ATXN1: variants seen among roughly 807,000 people sequenced by gnomAD.
The protein encoded by ATXN1 is ataxin 1.
In ATXN1, 8 loss-of-function variants were observed where a neutral mutation model predicts 56.4. The observed-to-expected ratio is 0.14, with a 90% CI of 0.08 to 0.26. The LOEUF (loss-of-function observed/expected upper bound fraction) is 0.26. ATXN1 is among the 10% of genes least tolerant of loss of function. The probability of loss-of-function intolerance (pLI) is 1.00; values close to 1 mark genes in which losing one functional copy is unlikely to be tolerated. For missense variants in ATXN1, 987 were observed against 1,106.5 expected (o/e 0.89, Z 1.53); for synonymous variants, 514 against 494.6 (o/e 1.04, Z -0.52).
intron 3 of ATXN1, among the ~76,000 whole-genome samples, chr6:16,606,979 CG>C (rs1763021626): frequency 6.8e-6 from 1 of 146,226 alleles, no homozygotes; most frequent in Admixed American, 6.8e-5. Flanking sequence ...CTCTGCCTCC[CG>C]GGTTCAAGCG....
chr6:16,314,771 T>C (rs1760472660), intron 7 of ATXN1, among the ~76,000 whole-genome samples: 1 of 151,924 alleles, frequency 6.6e-6, no homozygotes, highest in South Asian at 2.1e-4. Context: ...CCACCACACC[T>C]GGCTAATTTT....
chr6:16,642,758 C>T (rs991477989), intron 3 of ATXN1, among the ~76,000 whole-genome samples: 10 of 152,246 alleles, frequency 6.6e-5, no homozygotes, highest in Middle Eastern at 3.4e-3. Context: ...ACCAACAAAA[C>T]GATTATGGTT....
chr6:16,515,097 A>G (rs1167375771), intron 5 of ATXN1, among the ~76,000 whole-genome samples: 1 of 151,922 alleles, frequency 6.6e-6, no homozygotes, highest in African/African-American at 2.4e-5. Context: ...CATTCCTTTC[A>G]TTGTTTCTAA....
At chr6:16,693,067 G>A (rs1442692390) in intron 2 of ATXN1, among the ~76,000 whole-genome samples, 1 of 152,162 alleles carries the variant, frequency 6.6e-6, no homozygotes, top group Non-Finnish European at 1.5e-5. Context: ...ACTTCTCTGT[G>A]CCTCTCAGTG....
chr6:16,683,678 GCT>G (rs1003206889), intron 2 of ATXN1, among the ~76,000 whole-genome samples: 4 of 152,184 alleles, frequency 2.6e-5, no homozygotes, highest in Admixed American at 2.0e-4. Flanking sequence ...AACAGACAGT[GCT>G]CTGTTTGTAA....
intron 5 of ATXN1, among the ~76,000 whole-genome samples, chr6:16,498,970 A>C (rs573702608): frequency 6.6e-6 from 1 of 152,328 alleles, no homozygotes; most frequent in African/African-American, 2.4e-5. Flanking sequence ...CTTTCTTGAC[A>C]GTGCCCTTTG....
At chr6:16,526,398 G>A (rs922904797) in intron 4 of ATXN1, among the ~76,000 whole-genome samples, 1 of 152,134 alleles carries the variant, frequency 6.6e-6, no homozygotes, top group Non-Finnish European at 1.5e-5. Context: ...AAGTTGTTTT[G>A]GTTTGAGTGG....
At chr6:16,340,299 G>A (rs1406825564) in intron 6 of ATXN1, among the ~76,000 whole-genome samples, 2 of 152,234 alleles carry the variant, frequency 1.3e-5, no homozygotes, top group African/African-American at 2.4e-5. Flanking sequence ...ATCTCCAGGA[G>A]GGCCTAGGGA....
intron 4 of ATXN1, among the ~76,000 whole-genome samples, chr6:16,566,051 A>G (rs1048791932): frequency 6.6e-6 from 1 of 152,192 alleles, no homozygotes; most frequent in Non-Finnish European, 1.5e-5. Context: ...CTCAAAAAAG[A>G]GAGAAAAAGG....
chr6:16,538,282 C>T (rs1423282532), intron 4 of ATXN1, among the ~76,000 whole-genome samples: 1 of 152,114 alleles, frequency 6.6e-6, no homozygotes, highest in Non-Finnish European at 1.5e-5. Context: ...ATAAAATTTA[C>T]ATAACAAAAG....
At chr6:16,742,507 G>A (rs1054169390) in intron 2 of ATXN1, among the ~76,000 whole-genome samples, 3 of 152,268 alleles carry the variant, frequency 2.0e-5, no homozygotes, top group Middle Eastern at 6.8e-3. Flanking sequence ...GTGCTGCAGC[G>A]GTCAAAGGAC....
chr6:16,312,241 C>T (rs905322842), intron 7 of ATXN1, among the ~76,000 whole-genome samples: 5 of 152,094 alleles, frequency 3.3e-5, no homozygotes, highest in African/African-American at 9.7e-5. Flanking sequence ...TACAGATACA[C>T]GTGTTTCCCT....
intron 4 of ATXN1, among the ~76,000 whole-genome samples, chr6:16,541,842 C>G (rs923377408): frequency 2.0e-5 from 3 of 152,134 alleles, no homozygotes; most frequent in Non-Finnish European, 4.4e-5. Flanking sequence ...TTGGTCAAAG[C>G]TACGCAGTGG....
intron 6 of ATXN1, among the ~76,000 whole-genome samples, chr6:16,420,940 G>A (rs536959803): frequency 3.9e-5 from 6 of 152,186 alleles, no homozygotes; most frequent in East Asian, 3.9e-4. Context: ...ATGTCTCTGC[G>A]GTTTTGTAGT....
intron 3 of ATXN1, among the ~76,000 whole-genome samples, chr6:16,590,916 C>G (rs920334544): frequency 6.6e-6 from 1 of 151,676 alleles, no homozygotes; most frequent in African/African-American, 2.4e-5. Flanking sequence ...AATCTCCACT[C>G]ACCATAACCT....
chr6:16,458,594 C>T (rs925520157), intron 6 of ATXN1, among the ~76,000 whole-genome samples: 13 of 152,100 alleles, frequency 8.5e-5, no homozygotes, highest in African/African-American at 2.7e-4. Flanking sequence ...AAAGGAAAAG[C>T]GAGATAAGAG....
chr6:16,689,192 A>T (rs987927213), intron 2 of ATXN1, among the ~76,000 whole-genome samples: 28 of 152,198 alleles, frequency 1.8e-4, no homozygotes, highest in African/African-American at 6.8e-4. Flanking sequence ...TGGAACTGCA[A>T]TACTTGAGTC....
intron 6 of ATXN1, among the ~76,000 whole-genome samples, chr6:16,427,128 C>A (rs561520081): frequency 5.9e-4 from 90 of 152,272 alleles, no homozygotes; most frequent in African/African-American, 2.1e-3. Flanking sequence ...ATGCTTCTCT[C>A]CAGTACAGAT....
intron 6 of ATXN1, among the ~76,000 whole-genome samples, chr6:16,398,637 C>T (rs775017696): frequency 2.0e-5 from 3 of 152,030 alleles, no homozygotes; most frequent in Admixed American, 1.3e-4. Flanking sequence ...GTTTGTTTTT[C>T]GCCTCCTCCA....
Sources: allele counts gnomAD v4.1 joint callset (sites outside exome capture counted in the v4.1 genomes callset), GRCh38; gene constraint gnomAD v4.1.1; transcripts MANE v1.5; gene names NCBI Gene and HGNC (gene_info 2026-07-23, HGNC 2026-07-21).